CADPS2: variants seen among roughly 807,000 people sequenced by gnomAD.
The protein encoded by CADPS2 is calcium dependent secretion activator 2.
In CADPS2, 93 loss-of-function variants were observed where a neutral mutation model predicts 172.5. The ratio of observed to expected loss-of-function variants is 0.54; its 90% CI spans 0.46 to 0.64. The LOEUF is 0.64. Ranked by LOEUF, CADPS2 falls within the 30% of genes least tolerant of loss-of-function variation. CADPS2 has a pLI of 0.00. For missense variants in CADPS2, 1,420 were observed against 1,565.9 expected, an observed-to-expected ratio of 0.91 and a Z score of 1.57; for synonymous variants, 546 against 555.2, an observed-to-expected ratio of 0.98 and a Z score of 0.23.
intron 1 of CADPS2, among the ~76,000 whole-genome samples, chr7:122,838,260 G>T (rs577164977): frequency 6.6e-6 from 1 of 152,050 alleles, no homozygotes; most frequent in Non-Finnish European, 1.5e-5. Flanking sequence ...CAATAAATTC[G>T]GCATTGATGG....
intron 20 of CADPS2, among the ~76,000 whole-genome samples, chr7:122,394,506 A>C (rs151205513): frequency 3.3e-5 from 5 of 152,326 alleles, no homozygotes; most frequent in Non-Finnish European, 7.3e-5. Flanking sequence ...CCTCAAAGTG[A>C]AAATGTGCTG....
chr7:122,575,857 G>T (rs180723055), intron 7 of CADPS2, among the ~76,000 whole-genome samples: 1 of 152,192 alleles, frequency 6.6e-6, no homozygotes, highest in African/African-American at 2.4e-5. Context: ...AATAATTTAA[G>T]ACTTACAGAA....
intron 8 of CADPS2, among the ~76,000 whole-genome samples, chr7:122,539,174 T>C (rs1023477864): frequency 1.3e-5 from 2 of 152,230 alleles, no homozygotes; most frequent in African/African-American, 4.8e-5. Flanking sequence ...GCAACAGTGT[T>C]GAGAAGTGGG....
Position 122,640,027 on chromosome 7 carries a change from C to T in CADPS2, c.787-10699G>A, listed in dbSNP as rs192799905. 4.8e-3 allele frequency among the ~76,000 whole-genome samples: 725 copies of T among 152,246 alleles called. 9 individuals carry two copies. Among genetic ancestry groups the T allele is most frequent in the South Asian group, 5.0e-3 (24 of 4,820 alleles). ...ACAAGGCACATTGAAATTAACAAGC[C>T]CAGAATAGAATCTCAATTTTCAGCT... is the stretch of plus-strand genomic sequence containing the variant. On this transcript the variant is annotated intron_variant, in intron 3 of 29. Coordinates refer to ENST00000449022, the MANE Select transcript of CADPS2 (RefSeq NM_017954.11).
chr7:122,701,719 T>C (rs535440279), intron 2 of CADPS2: 2 of 643,484 alleles, frequency 3.1e-6, no homozygotes, highest in Admixed American at 3.1e-5. Flanking sequence ...CCCTTGTTCA[T>C]ACTTGGGTAG....
At chr7:122,848,076 T>A (rs550870091) in intron 1 of CADPS2, among the ~76,000 whole-genome samples, 1 of 152,376 alleles carries the variant, frequency 6.6e-6, no homozygotes, top group Admixed American at 6.5e-5. Context: ...CTAAGTTTCA[T>A]CATCATATGC....
chr7:122,462,203 C>G (rs1257424245), intron 14 of CADPS2, among the ~76,000 whole-genome samples: 1 of 151,962 alleles, frequency 6.6e-6, no homozygotes, highest in Admixed American at 6.6e-5. Context: ...TAAAATACCA[C>G]AGAATTTAAG....
chr7:122,779,279 T>C (rs1446550785), intron 1 of CADPS2, among the ~76,000 whole-genome samples: 2 of 152,164 alleles, frequency 1.3e-5, no homozygotes, highest in East Asian at 1.9e-4. Context: ...TCCCACACTT[T>C]AGGTGGGACA....
At chr7:122,756,092 G>T (rs1562944134) in intron 1 of CADPS2, among the ~76,000 whole-genome samples, 1 of 152,136 alleles carries the variant, frequency 6.6e-6, no homozygotes, top group Non-Finnish European at 1.5e-5. Flanking sequence ...GCCAAATGTT[G>T]AAGTTTTTTA....
chr7:122,485,168 C>G (rs764835921), intron 11 of CADPS2, among the ~76,000 whole-genome samples: 5 of 152,130 alleles, frequency 3.3e-5, no homozygotes, highest in Non-Finnish European at 7.3e-5. Flanking sequence ...AACTAACAAC[C>G]TGAAATGATC....
Position 122,702,063 on chromosome 7 carries a change from T to C in CADPS2, c.453+34892A>G, listed in dbSNP as rs768783615. The C allele has an allele frequency of 4.3e-6, 7 of 1,613,642 alleles. No individual in the cohort carries two copies. In the South Asian group the frequency reaches 7.7e-5, roughly 18 times the overall value. ...TGGTCAATAGCTTTCTTCACATCTG[T>C]CTTTATTTGACTTCGCCTCCTGGTG... is the stretch of plus-strand genomic sequence containing the variant. On this transcript the variant is annotated intron_variant, in intron 2 of 29. Transcript: ENST00000449022.
chr7:122,703,616 T>A (rs1179917280), intron 2 of CADPS2, among the ~76,000 whole-genome samples: 3 of 152,154 alleles, frequency 2.0e-5, no homozygotes, highest in Non-Finnish European at 4.4e-5. Flanking sequence ...TTGTAGAGGC[T>A]AAGGATTTTG....
At chr7:122,798,016 T>C (rs1218571052) in intron 1 of CADPS2, among the ~76,000 whole-genome samples, 2 of 151,870 alleles carry the variant, frequency 1.3e-5, no homozygotes, top group African/African-American at 4.8e-5. Flanking sequence ...TTTTTCAATG[T>C]TATATATCAA....
At chr7:122,868,227 C>T (rs1390305688) in intron 1 of CADPS2, among the ~76,000 whole-genome samples, 1 of 152,012 alleles carries the variant, frequency 6.6e-6, no homozygotes, top group Non-Finnish European at 1.5e-5. Flanking sequence ...CTGCTGGTCT[C>T]CCAGACCACA....
intron 9 of CADPS2, among the ~76,000 whole-genome samples, chr7:122,503,490 T>C (rs972210933): frequency 1.3e-5 from 2 of 152,196 alleles, no homozygotes; most frequent in Admixed American, 6.5e-5. Flanking sequence ...GGATGCACAG[T>C]TGTATAAAAT....
intron 2 of CADPS2, chr7:122,702,197 T>A (rs766328092): frequency 3.1e-6 from 5 of 1,613,826 alleles, no homozygotes; most frequent in Non-Finnish European, 3.4e-6. Context: ...GCTCACCCAC[T>A]GCATGTGCAT....
chr7:122,425,048 T>C (rs10266852), intron 17 of CADPS2, among the ~76,000 whole-genome samples: 12,781 of 152,034 alleles, frequency 0.084, 1,412 homozygotes, highest in African/African-American at 0.26. Flanking sequence ...GGCGTGATCA[T>C]GTCTCACTGC....
intron 15 of CADPS2, among the ~76,000 whole-genome samples, chr7:122,441,960 G>C (rs2051412348): frequency 6.6e-6 from 1 of 152,092 alleles, no homozygotes; most frequent in African/African-American, 2.4e-5. Context: ...TCCTCCTGTG[G>C]CTACTTGTGG....
chr7:122,367,539 GTTTTTTT>G (rs202155427), intron 25 of CADPS2, among the ~76,000 whole-genome samples: 22,375 of 101,088 alleles, frequency 0.22, 2,175 homozygotes, highest in Middle Eastern at 0.33. Flanking sequence ...CCTTCCCCCA[GTTTTTTT>G]TTTTTTTTTT....
Sources: allele counts gnomAD v4.1 joint callset (sites outside exome capture counted in the v4.1 genomes callset), GRCh38; gene constraint gnomAD v4.1.1; transcripts MANE v1.5; gene names NCBI Gene and HGNC (gene_info 2026-07-23, HGNC 2026-07-21).